The following SMG1 variants were observed in gnomAD, a reference collection of about 807,000 sequenced individuals.
SMG1 encodes the protein serine/threonine-protein kinase SMG1.
In SMG1, 22 loss-of-function variants were observed where a neutral mutation model predicts 419.9. The observed-to-expected ratio is 0.05, with a 90% CI of 0.04 to 0.07. The LOEUF is 0.07. Ranked by LOEUF, SMG1 falls within the 10% of genes least tolerant of loss-of-function variation. The probability of loss-of-function intolerance (pLI) is 1.00; values close to 1 mark genes in which losing one functional copy is unlikely to be tolerated. For missense variants in SMG1, 3,185 were observed against 4,342.0 expected, an observed-to-expected ratio of 0.73 and a Z score of 7.49; for synonymous variants, 1,538 against 1,553.5, an observed-to-expected ratio of 0.99 and a Z score of 0.23.
chr16:18,879,837 G>A (rs1412756990), intron 10 of SMG1, 118 bp from the exon 11 acceptor site: 9 of 691,156 alleles, frequency 1.3e-5, no homozygotes, highest in Non-Finnish European at 2.0e-5. Flanking sequence ...CTTGCCAGCA[G>A]TCTCTTAATA....
chr16:18,827,929 G>T, intron 55 of SMG1, 102 bp downstream of exon 55: 1 of 1,201,628 alleles, frequency 8.3e-7, no homozygotes. Context: ...TACAAGCCAA[G>T]GACACACAAA....
Position 18,805,720 on chromosome 16 carries a change from G to C in SMG1, c.*3849C>G, listed in dbSNP as rs1372012460. 1 of 152,070 alleles carries C rather than the reference G, an allele frequency of 6.6e-6. No homozygotes were observed. The highest frequency in any genetic ancestry group is 1.5e-5 in the Non-Finnish European group (1 of 68,014). 9.4% of individuals were successfully genotyped at this position (152,070 alleles called of 1,614,324 possible). ...ACAAAATCTACCTTCTTTAACCCTT[G>C]TATTAGTAATTCTACCTCCTTGGCT... On this transcript the variant is annotated 3_prime_UTR_variant, in exon 63 of 63. Coordinates refer to ENST00000446231, the MANE Select transcript of SMG1 (RefSeq NM_015092.5).
chr16:18,906,174 C>G lies in SMG1; in HGVS notation c.93-9218G>C, dbSNP rs1424689043. 2.1e-5 allele frequency among the ~76,000 whole-genome samples: 3 copies of G among 140,650 alleles called. No homozygotes were observed. The Admixed American group carries it at 2.1e-4, about 10-fold the overall frequency. 92.3% of individuals were successfully genotyped at this position (140,650 alleles called of 152,430 possible). A position where few individuals can be genotyped will look rare whatever the true frequency, so the allele number is the denominator to read the frequency against. On this transcript the variant is annotated intron_variant, in intron 1 of 62. Transcript: ENST00000446231. ...CACCTCCCCTCCCCATACACACATT[C>G]TACTTCACCAACAAAAAAAAAGGTA... is the stretch of plus-strand genomic sequence containing the variant.
At chr16:18,847,252 T>C (rs1031473395) in intron 38 of SMG1, among the ~76,000 whole-genome samples, 4 of 152,170 alleles carry the variant, frequency 2.6e-5, no homozygotes, top group Admixed American at 2.0e-4. Context: ...GAGATAATTT[T>C]TAATGAGTAC....
chr16:18,843,535 G>GA lies in SMG1; in HGVS notation c.6220-1082dup, dbSNP rs545318130. 4.9e-3 allele frequency among the ~76,000 whole-genome samples: 745 copies of GA among 152,064 alleles called. 1 individual carries two copies. Among genetic ancestry groups the GA allele is most frequent in the Non-Finnish European group, 6.5e-3 (439 of 67,956 alleles). On this transcript the variant is annotated intron_variant, in intron 39 of 62. Coordinates refer to ENST00000446231, the MANE Select transcript of SMG1 (RefSeq NM_015092.5). ...TTTTAGCAAGCTCTGTTCATAAAAA[G>GA]AAAAAAACCAATTGGAAACACCCCA... is the stretch of plus-strand genomic sequence containing the variant.
At position 18,915,929 on chromosome 16, in the gene SMG1, C is replaced by T. The variant is rs1444522384; in HGVS notation, c.92+10021G>A. Among the ~76,000 whole-genome samples the T allele has an allele frequency of 5.9e-5, 9 of 151,730 alleles. No individual in the cohort carries two copies. The East Asian group carries it at 1.8e-3, about 30-fold the overall frequency. On this transcript the variant is annotated intron_variant, in intron 1 of 62. Coordinates refer to ENST00000446231, the MANE Select transcript of SMG1 (RefSeq NM_015092.5). ...ACTAAAAGTACAAAAACCAGCCAGG[C>T]GTGGTGGCAGGCATCTGTAATCCCA...
At position 18,859,139 on chromosome 16, in the gene SMG1, A is replaced by C; in HGVS notation, c.3996T>G (p.Ile1332Met). ...TTAAAGTAGAAAGTCTCAGAGGTCC[A>C]ATAGCGATGCGGGATGTTTGCTTCA... ...KYLKQTSRIA[I>M]GPLRLSTLTV... The change falls in exon 28 of 63, where the codon ATT becomes ATG. Residue 1332 changes from isoleucine to methionine, a missense_variant. By Grantham distance (10) the Ile-to-Met change is conservative (BLOSUM62 1). Transcript: ENST00000446231. The C allele has an allele frequency of 2.6e-6, 4 of 1,534,462 alleles. No individual in the cohort carries two copies. The South Asian group carries it at 4.8e-5, about 18-fold the overall frequency.
intron 39 of SMG1, 149 bp from the exon 40 acceptor site, chr16:18,842,603 T>C: frequency 2.9e-6 from 2 of 695,070 alleles, no homozygotes; most frequent in Non-Finnish European, 4.8e-6. Context: ...GGTAGGCAGA[T>C]CACTTGAGTT....
intron 46 of SMG1, among the ~76,000 whole-genome samples, 193 bp from the exon 47 acceptor site, chr16:18,836,725 T>C (rs1046371105): frequency 6.6e-6 from 1 of 152,188 alleles, no homozygotes; most frequent in Non-Finnish European, 1.5e-5. Flanking sequence ...CATGACATTT[T>C]AATTAAAACT....
chr16:18,855,530 T>A (rs926974321), intron 29 of SMG1, among the ~76,000 whole-genome samples: 4 of 152,210 alleles, frequency 2.6e-5, no homozygotes, highest in Admixed American at 2.0e-4. Context: ...CTTCCTCTAA[T>A]GTCAGTCATG....
At position 18,806,023 on chromosome 16, in the gene SMG1, G is replaced by A. The variant is rs2030798157; in HGVS notation, c.*3546C>T. On this transcript the variant is annotated 3_prime_UTR_variant, in exon 63 of 63. Transcript: ENST00000446231. ...AGCCCCCAGAGTTAATTACAAAAATGTAGAGGAAAATAGGCCCGGAAGACT... is the reference window on the plus strand; with the variant it reads ...AGCCCCCAGAGTTAATTACAAAAATATAGAGGAAAATAGGCCCGGAAGACT... The A allele has an allele frequency of 6.6e-6, 1 of 152,548 alleles. No homozygotes were observed. Among genetic ancestry groups the A allele is most frequent in the South Asian group, 2.1e-4 (1 of 4,828 alleles). The allele number at this position is 152,548 out of a possible 1,614,324, so 9.4% of individuals were successfully genotyped here.
At chr16:18,849,526 G>A (rs2034474649) in intron 35 of SMG1, 148 bp from the exon 36 acceptor site, 1 of 789,548 alleles carries the variant, frequency 1.3e-6, no homozygotes, top group South Asian at 2.0e-5. Flanking sequence ...TGATAATAAA[G>A]AACCATACAC....
intron 41 of SMG1, among the ~76,000 whole-genome samples, 168 bp downstream of exon 41, chr16:18,841,397 C>CAAAA (rs149043036): frequency 3.8e-5 from 4 of 105,346 alleles, no homozygotes; most frequent in African/African-American, 1.4e-4. Flanking sequence ...GACTGTGTCT[C>CAAAA]AAAAAAAAAA....
chr16:18,855,308 C>T (rs1000690037), intron 29 of SMG1, among the ~76,000 whole-genome samples: 3 of 152,166 alleles, frequency 2.0e-5, no homozygotes, highest in African/African-American at 7.2e-5. Context: ...GTCTCTTTCT[C>T]TTCCATCACT....
chr16:18,816,602 CAA>C (rs1186227651), intron 57 of SMG1, 73 bp from the exon 58 acceptor site: 2 of 1,253,104 alleles, frequency 1.6e-6, no homozygotes, highest in African/African-American at 3.0e-5. Flanking sequence ...TTAACATCAT[CAA>C]AAGATATTAG....
At chr16:18,887,348 ATGTTT>A (rs947497092) in intron 6 of SMG1, among the ~76,000 whole-genome samples, 24 of 151,554 alleles carry the variant, frequency 1.6e-4, no homozygotes, top group African/African-American at 5.1e-4. Flanking sequence ...AAGGGGAAAA[ATGTTT>A]TGTTTTGTTT....
intron 38 of SMG1, among the ~76,000 whole-genome samples, chr16:18,846,527 TA>T (rs1166812421): frequency 1.3e-5 from 2 of 151,494 alleles, no homozygotes; most frequent in Admixed American, 6.6e-5. Flanking sequence ...AATTCAACAA[TA>T]AAAAAACAAA....
intron 33 of SMG1, 39 bp from the exon 34 acceptor site, chr16:18,850,506 A>G: frequency 7.0e-7 from 1 of 1,432,046 alleles, no homozygotes; most frequent in Non-Finnish European, 9.7e-7. Flanking sequence ...TTTTAAATAC[A>G]AACTGAAAAG....
intron 1 of SMG1, among the ~76,000 whole-genome samples, chr16:18,905,734 C>T (rs1256280068): frequency 1.3e-5 from 2 of 151,730 alleles, no homozygotes; most frequent in South Asian, 2.1e-4. Context: ...GCCTCAGCCT[C>T]CCAAGTAGCT....
Sources: gnomAD v4.1 joint callset for allele counts (sites outside exome capture counted in the v4.1 genomes callset) on GRCh38, gnomAD v4.1.1 for gene constraint, MANE v1.5 for transcripts, NCBI Gene and HGNC (gene_info 2026-07-23, HGNC 2026-07-21) for gene names.